The following ST3GAL5 variants were observed in gnomAD, a reference collection of about 807,000 sequenced individuals.
The protein encoded by ST3GAL5 is ST3 beta-galactoside alpha-2,3-sialyltransferase 5, also known as lactosylceramide alpha-2,3-sialyltransferase.
Under a neutral mutation model 46.1 loss-of-function variants are expected in ST3GAL5, and 25 were observed. The ratio of observed to expected loss-of-function variants is 0.54; its 90% CI spans 0.40 to 0.76. The LOEUF is 0.76. Ranked by LOEUF, ST3GAL5 falls within the 30% of genes least tolerant of loss-of-function variation. ST3GAL5 has a pLI of 0.00. For synonymous variants in ST3GAL5, 182 were observed against 192.7 expected (o/e 0.94, Z 0.46); for missense variants, 431 against 521.2 (o/e 0.83, Z 1.69).
chr2:85,840,687 T>C (rs915070793), intron 6 of ST3GAL5, among the ~76,000 whole-genome samples: 3 of 152,126 alleles, frequency 2.0e-5, no homozygotes, highest in Admixed American at 2.0e-4. Flanking sequence ...GGCTCACGCC[T>C]GTAATCCCAG....
At chr2:85,870,147 TCTTCATAAGTTTTTTA>T (rs1214863675) in intron 1 of ST3GAL5, 1 of 465,468 alleles carries the variant, frequency 2.1e-6, no homozygotes, top group Non-Finnish European at 4.5e-6. Context: ...GACATGTGAT[TCTTCATAAGTTTTTTA>T]CTTTTGAATT....
intron 1 of ST3GAL5, among the ~76,000 whole-genome samples, chr2:85,869,703 A>C (rs188489046): frequency 2.0e-5 from 3 of 152,220 alleles, no homozygotes; most frequent in Non-Finnish European, 4.4e-5. Flanking sequence ...AAAGGATGTC[A>C]GCACTCAGCA....
intron 1 of ST3GAL5, chr2:85,880,801 G>A (rs1054554422): frequency 6.2e-6 from 3 of 487,270 alleles, no homozygotes; most frequent in African/African-American, 6.0e-5. Flanking sequence ...TCCAGCCTGG[G>A]TGACAGACCA....
chr2:85,883,851 C>T (rs914731133), intron 1 of ST3GAL5, among the ~76,000 whole-genome samples: 3 of 152,146 alleles, frequency 2.0e-5, no homozygotes, highest in Non-Finnish European at 4.4e-5. Context: ...GAAGTCCTCT[C>T]ACGAAGCAGG....
chr2:85,869,230 GA>G (rs1431049701), intron 1 of ST3GAL5, among the ~76,000 whole-genome samples: 2 of 151,700 alleles, frequency 1.3e-5, no homozygotes, highest in African/African-American at 4.8e-5. Flanking sequence ...TTTATTTGTA[GA>G]GATGGGGTCT....
chr2:85,853,082 G>T (rs1480861868), intron 3 of ST3GAL5: 2 of 1,304,172 alleles, frequency 1.5e-6, no homozygotes, highest in South Asian at 2.5e-5. Context: ...CATCCGCAGG[G>T]AGATAAGGTC....
intron 1 of ST3GAL5, among the ~76,000 whole-genome samples, chr2:85,864,652 C>T (rs962618769): frequency 3.3e-5 from 5 of 151,290 alleles, no homozygotes; most frequent in South Asian, 2.1e-4. Context: ...ATGTTGTGTG[C>T]CTGCCTATTT....
At chr2:85,867,838 TAGAA>T in intron 1 of ST3GAL5, 1 of 614,930 alleles carries the variant, frequency 1.6e-6, no homozygotes, top group South Asian at 1.8e-5. Context: ...TATATGAAAG[TAGAA>T]ACCTTAGAAG....
intron 3 of ST3GAL5, among the ~76,000 whole-genome samples, chr2:85,857,560 A>G (rs1454534858): frequency 2.7e-5 from 4 of 150,708 alleles, no homozygotes; most frequent in African/African-American, 9.8e-5. Flanking sequence ...AAAAAGAGAA[A>G]AGGAAAGAAG....
At chr2:85,860,627 C>T (rs1274267632) in intron 3 of ST3GAL5, among the ~76,000 whole-genome samples, 1 of 152,016 alleles carries the variant, frequency 6.6e-6, no homozygotes, top group Non-Finnish European at 1.5e-5. Context: ...AATCCCCGAC[C>T]TTTGGGAGGC....
At chr2:85,851,433 T>C in intron 3 of ST3GAL5, 1 of 1,213,212 alleles carries the variant, frequency 8.2e-7, no homozygotes, top group Non-Finnish European at 1.1e-6. Flanking sequence ...GGGCTTTTTC[T>C]GTAGAGAGCT....
At chr2:85,848,369 T>G (rs1407581587) in intron 3 of ST3GAL5, 165 bp from the exon 4 acceptor site, 1 of 1,554,818 alleles carries the variant, frequency 6.4e-7, no homozygotes, top group African/African-American at 1.4e-5. Context: ...GCTCAGAAAC[T>G]TGAAGAAACA....
chr2:85,852,890 C>T lies in ST3GAL5; in HGVS notation c.319-4686G>A, dbSNP rs760411691. Reference sequence around the variant, plus strand: ...AGATATCCCAGGAAGGCCTGGAAAGCGGGGAGCAGCACTAAGGAGAGAAAA... The same window carrying T: ...AGATATCCCAGGAAGGCCTGGAAAGTGGGGAGCAGCACTAAGGAGAGAAAA... On this transcript the variant is annotated intron_variant, in intron 3 of 6. Coordinates refer to ENST00000638572, the MANE Select transcript of ST3GAL5 (RefSeq NM_003896.4). 2.8e-5 allele frequency: 37 copies of T among 1,303,682 alleles called. 1 individual carries two copies. The highest frequency in any genetic ancestry group is 2.2e-4 in the East Asian group (4 of 18,042). The allele number at this position is 1,303,682 out of a possible 1,614,324, so 80.8% of individuals were successfully genotyped here.
At chr2:85,840,573 C>G (rs950391809) in intron 6 of ST3GAL5, 181 bp from the exon 7 acceptor site, 6 of 692,530 alleles carry the variant, frequency 8.7e-6, no homozygotes, top group Non-Finnish European at 1.5e-5. Context: ...AGTCAGGAAT[C>G]TAGGCTCTAA....
chr2:85,852,756 TAATC>T, intron 3 of ST3GAL5: 1 of 621,432 alleles, frequency 1.6e-6, no homozygotes, highest in Non-Finnish European at 2.5e-6. Flanking sequence ...GAAAAAAAAA[TAATC>T]AGGAGATCTG....
intron 6 of ST3GAL5, 107 bp downstream of exon 6, chr2:85,844,289 G>T: frequency 6.9e-7 from 1 of 1,446,992 alleles, no homozygotes; most frequent in Non-Finnish European, 9.6e-7. Context: ...CACAGGCTGG[G>T]TTTCTCCACT....
At chr2:85,842,226 G>T (rs749345034) in intron 6 of ST3GAL5, among the ~76,000 whole-genome samples, 7 of 152,178 alleles carry the variant, frequency 4.6e-5, no homozygotes, top group Admixed American at 1.3e-4. Context: ...GAAACCAAGA[G>T]AAATTAACAC....
At chr2:85,863,565 T>C (rs1684957485) in intron 1 of ST3GAL5, 80 bp from the exon 2 acceptor site, 2 of 1,495,532 alleles carry the variant, frequency 1.3e-6, no homozygotes, top group South Asian at 2.3e-5. Flanking sequence ...TCAAAGAGCC[T>C]TTATATGTTG....
chr2:85,888,928 G>GCCGC lies in ST3GAL5; in HGVS notation c.-27_-24dup, dbSNP rs922729276. The GCCGC allele has an allele frequency of 1.3e-5, 17 of 1,336,924 alleles. No individual in the cohort carries two copies. The highest frequency in any genetic ancestry group is 1.6e-5 in the Non-Finnish European group (17 of 1,038,424). The allele number at this position is 1,336,924 out of a possible 1,614,324, so 82.8% of individuals were successfully genotyped here. ...CATACTAATGAGGGGGCGCCGGCCG[G>GCCGC]CCGCCAGCCCGGTACCCCGCGCCCC... is the stretch of plus-strand genomic sequence containing the variant. On this transcript the variant is annotated 5_prime_UTR_variant, in exon 1 of 7. It removes the in-frame stop codon of an upstream open reading frame in the 5' UTR. Coordinates refer to ENST00000638572, the MANE Select transcript of ST3GAL5 (RefSeq NM_003896.4).
Sources: gnomAD v4.1 joint callset for allele counts (sites outside exome capture counted in the v4.1 genomes callset) on GRCh38, gnomAD v4.1.1 for gene constraint, MANE v1.5 for transcripts, NCBI Gene and HGNC (gene_info 2026-07-23, HGNC 2026-07-21) for gene names.